Variants in PDZD7 observed in about 807,000 individuals in gnomAD.
PDZD7 encodes PDZ domain-containing protein 7.
Under a neutral mutation model 84.7 loss-of-function variants are expected in PDZD7, and 72 were observed. The observed-to-expected ratio is 0.85, with a 90% CI of 0.70 to 1.03. PDZD7 has a LOEUF of 1.03. PDZD7 is among the 50% of genes least tolerant of loss of function. The pLI is 0.00. For missense variants in PDZD7, 1,490 were observed against 1,412.9 expected (o/e 1.05, Z -0.87); for synonymous variants, 594 against 580.7 (o/e 1.02, Z -0.33).
chr10:101,015,486 GTGT>G, intron 11 of PDZD7, 147 bp downstream of exon 11: 1 of 806,664 alleles, frequency 1.2e-6, no homozygotes, highest in Non-Finnish European at 1.9e-6. Flanking sequence ...GTGTGTGTGT[GTGT>G]GTGACAGGAG....
chr10:101,030,070 C>T lies in PDZD7; in HGVS notation c.150G>A (p.Leu50=), dbSNP rs1247745897. ...TRYLLRKQQR[L]LNGPPRGIRA... ...GGATTCCGCGGGGGGGCCCGTTCAG[C>T]AGCCGTTGTTGCTTCCTTAGCAGGT... Residue 50 remains leucine (L), a synonymous_variant, in exon 2 of 17, where the codon CTG becomes CTA. Transcript: ENST00000619208. 8 of 1,614,176 alleles carry T rather than the reference C, an allele frequency of 5.0e-6. No individual in the cohort carries two copies. Among genetic ancestry groups the T allele is most frequent in the Non-Finnish European group, 6.8e-6 (8 of 1,180,036 alleles).
chr10:101,015,917 C>A, intron 10 of PDZD7, 106 bp from the exon 11 acceptor site: 1 of 1,276,928 alleles, frequency 7.8e-7, no homozygotes, highest in Non-Finnish European at 1.1e-6. Flanking sequence ...AGAATCCTAG[C>A]CTAGCCTATA....
At chr10:101,016,165 T>C (rs978115911) in intron 10 of PDZD7, among the ~76,000 whole-genome samples, 8 of 152,316 alleles carry the variant, frequency 5.3e-5, no homozygotes, top group African/African-American at 1.9e-4. Flanking sequence ...GCTCCTAAAA[T>C]GCATCCCAAT....
chr10:101,008,581 ATTGGT>A lies in PDZD7; in HGVS notation c.2983_2987del (p.Thr995SerfsTer7). The A allele has an allele frequency of 6.5e-7, 1 of 1,535,024 alleles. No homozygotes were observed. Among genetic ancestry groups the A allele is most frequent in the Non-Finnish European group, 8.7e-7 (1 of 1,146,584 alleles). ...TGGCATCAGTGGGAGGAGTCTGGGGATTGGTGGGAGGTTCTGGGAGCCAGTGGGCA... is the reference window on the plus strand; with the variant it reads ...TGGCATCAGTGGGAGGAGTCTGGGGAGGGAGGTTCTGGGAGCCAGTGGGCA... On this transcript the variant is annotated frameshift_variant, in exon 17 of 17. Coordinates refer to ENST00000619208, the MANE Select transcript of PDZD7 (RefSeq NM_001195263.2). LOFTEE classifies it low-confidence loss of function (END_TRUNC).
Position 101,030,087 on chromosome 10 carries a change from T to G in PDZD7, c.133A>C (p.Arg45=). 1 of 1,614,248 alleles carries G rather than the reference T, an allele frequency of 6.2e-7. No homozygotes were observed. Among genetic ancestry groups the G allele is most frequent in the Non-Finnish European group, 8.5e-7 (1 of 1,180,030 alleles). ...SGSTATRYLL[R]KQQRLLNGPP... is the part of the protein sequence containing the mutation. ...CCGTTCAGCAGCCGTTGTTGCTTCC[T>G]TAGCAGGTATCGCGTTGCGGTGGAG... The change falls in exon 2 of 17, where the codon AGG becomes CGG. Residue 45 remains arginine (R), a synonymous_variant. Coordinates refer to ENST00000619208, the MANE Select transcript of PDZD7 (RefSeq NM_001195263.2).
chr10:101,010,687 G>C lies in PDZD7; in HGVS notation c.2202C>G (p.Pro734=), dbSNP rs1459055249. The change falls in exon 15 of 17, where the codon CCC becomes CCG. Residue 734 remains proline (P), a synonymous_variant. Coordinates refer to ENST00000619208, the MANE Select transcript of PDZD7 (RefSeq NM_001195263.2). ...GAGCCACGGGGGGTAGCTGGGGAGG[G>C]GGTGTGCAGGCAATTCGGAGGGGGG... ...AFTPLRIACT[P]PPQLPPVAPR... 17 of 1,514,352 alleles carry C rather than the reference G, an allele frequency of 1.1e-5. No homozygotes were observed. The East Asian group carries it at 4.0e-4, about 36-fold the overall frequency. 93.8% of individuals were successfully genotyped at this position (1,514,352 alleles called of 1,614,324 possible). A position where few individuals can be genotyped will look rare whatever the true frequency, so the allele number is the denominator to read the frequency against.
chr10:101,010,560 G>C lies in PDZD7; in HGVS notation c.2329C>G (p.Arg777Gly), dbSNP rs531733507. The change falls in exon 15 of 17, where the codon CGT (arginine) becomes GGT (glycine). Residue 777 changes from arginine to glycine, a missense_variant. Arg to Gly is a moderately radical substitution (Grantham distance 125). Coordinates refer to ENST00000619208, the MANE Select transcript of PDZD7 (RefSeq NM_001195263.2). The stretch of plus-strand genomic sequence containing the variant: ...CTGCTGCGGCTGCGGCTGCGGCTAC[G>C]GCTGCGGCTACGGCTCTGAGCCCGG... ...RGRAQSRSRS[R>G]SRSRSRSSRG... 3 of 1,491,932 alleles carry C rather than the reference G, an allele frequency of 2.0e-6. No individual in the cohort carries two copies. Among genetic ancestry groups the C allele is most frequent in the East Asian group, 4.9e-5 (2 of 40,612 alleles). 92.4% of individuals were successfully genotyped at this position (1,491,932 alleles called of 1,614,324 possible). A position where few individuals can be genotyped will look rare whatever the true frequency, so the allele number is the denominator to read the frequency against.
intron 7 of PDZD7, 128 bp from the exon 8 acceptor site, chr10:101,019,345 G>GGTTCCTCACCAC: frequency 8.4e-7 from 1 of 1,190,962 alleles, no homozygotes; most frequent in Non-Finnish European, 1.2e-6. Context: ...AACCGCAGTG[G>GGTTCCTCACCAC]TGAGGAACCC....
intron 3 of PDZD7, 53 bp from the exon 4 acceptor site, chr10:101,023,663 C>G: frequency 1.3e-6 from 2 of 1,594,876 alleles, no homozygotes; most frequent in South Asian, 1.1e-5. Context: ...GGGGCTGAGC[C>G]TCCCCCATCA....
Position 101,011,776 on chromosome 10 carries a change from G to T in PDZD7, c.1934-15C>A. The T allele has an allele frequency of 6.5e-7, 1 of 1,550,288 alleles. No individual in the cohort carries two copies. Among genetic ancestry groups the T allele is most frequent in the South Asian group, 1.2e-5 (1 of 84,044 alleles). On this transcript the variant is annotated splice_polypyrimidine_tract_variant and intron_variant, in intron 13 of 16. Coordinates refer to ENST00000619208, the MANE Select transcript of PDZD7 (RefSeq NM_001195263.2). ...AGGAGGCCGGACTGGTTGGAGAGAT[G>T]AACAGGTCAGCGGCAAGGTACCCCG...
rs2134084887 is a variant in PDZD7, at chr10:101,021,885, T to C, written c.780A>G (p.Ala260=). 1 of 1,614,170 alleles carries C rather than the reference T, an allele frequency of 6.2e-7. No individual in the cohort carries two copies. Among genetic ancestry groups the C allele is most frequent in the Non-Finnish European group, 8.5e-7 (1 of 1,180,038 alleles). Residue 260 remains alanine (A), a synonymous_variant, in exon 6 of 17, where the codon GCA becomes GCG. Transcript: ENST00000619208. The part of the protein sequence containing the change: ...NGIKVGDQVL[A]ANGVRFDDIS... ...TGTCGTCAAACCTGACACCGTTGGC[T>C]GCCAGGACCTGGTCCCCCACCTTGA...
intron 11 of PDZD7, among the ~76,000 whole-genome samples, chr10:101,013,271 G>C (rs564826999): frequency 6.6e-6 from 1 of 152,316 alleles, no homozygotes; most frequent in Non-Finnish European, 1.5e-5. Flanking sequence ...TAAGTCCATG[G>C]ACTTGGATTC....
rs1434145387 is a variant in PDZD7, at chr10:101,010,349, G to A, written c.2540C>T (p.Thr847Met). 12 of 1,535,444 alleles carry A rather than the reference G, an allele frequency of 7.8e-6. No individual in the cohort carries two copies. The highest frequency in any genetic ancestry group is 1.0e-5 in the Non-Finnish European group (12 of 1,146,282). ...GTTCTTCATGGCTGCCTCCTTGGCC[G>A]TCCCCTCAGTTCCACTCTCCGAGGG... ...QGPSESGTEG[T>M]AKEAAMKNPS... is the part of the protein sequence containing the mutation. The change falls in exon 15 of 17, where the codon ACG (threonine) becomes ATG (methionine). Residue 847 changes from threonine to methionine, a missense_variant. Thr to Met is a moderately conservative substitution (Grantham distance 81). Coordinates refer to ENST00000619208, the MANE Select transcript of PDZD7 (RefSeq NM_001195263.2).
At chr10:101,029,187 T>C (rs1184399537) in intron 2 of PDZD7, among the ~76,000 whole-genome samples, 1 of 152,180 alleles carries the variant, frequency 6.6e-6, no homozygotes, top group Non-Finnish European at 1.5e-5. Context: ...CATCTGTCAC[T>C]ACAGCCAGGC....
At chr10:101,022,068 C>G (rs569822705) in intron 5 of PDZD7, 123 bp from the exon 6 acceptor site, 2 of 1,547,602 alleles carry the variant, frequency 1.3e-6, no homozygotes, top group Non-Finnish European at 1.8e-6. Context: ...CTACTGGGGC[C>G]TCCCGCCCCC....
chr10:101,022,479 G>T, intron 4 of PDZD7, 94 bp from the exon 5 acceptor site: 3 of 1,516,536 alleles, frequency 2.0e-6, no homozygotes, highest in South Asian at 1.2e-5. Flanking sequence ...GAAAGTGGGG[G>T]TTGCCTTTGG....
rs1004644476 is a variant in PDZD7 at position 101,019,109 on chromosome 10, C to A, written c.1037G>T (p.Arg346Leu). The A allele has an allele frequency of 3.2e-6, 5 of 1,555,262 alleles. No individual in the cohort carries two copies. Among genetic ancestry groups the A allele is most frequent in the African/African-American group, 1.3e-5 (1 of 74,200 alleles). Residue 346 changes from arginine (R) to leucine (L), a missense_variant, in exon 8 of 17, where the codon CGC (arginine) becomes CTC (leucine). Coordinates refer to ENST00000619208, the MANE Select transcript of PDZD7 (RefSeq NM_001195263.2). ...PYSSGSLPSD[R>L]MDICLGQEEP... ...CTCCTGCCCGAGGCAGATGTCCATG[C>A]GGTCCGACGGCAGGGAGCCCGAGCT...
rs1047223437 is a variant in PDZD7 at position 101,023,506 on chromosome 10, G to A, written c.472C>T (p.Arg158Cys). 8.1e-6 allele frequency: 13 copies of A among 1,613,982 alleles called. 1 individual carries two copies. The highest frequency in any genetic ancestry group is 1.6e-4 in the Middle Eastern group (1 of 6,084). The change falls in exon 4 of 17, where the codon CGC becomes TGC. Residue 158 changes from arginine to cysteine, a missense_variant. Arg to Cys is a radical substitution (Grantham distance 180). Coordinates refer to ENST00000619208, the MANE Select transcript of PDZD7 (RefSeq NM_001195263.2). ...SAVKVLTSSS[R>C]LHMMVRRMGR... ...ATGCGCCGAACCATCATGTGCAGGC[G>A]GCTGCTGCTGGTCAGCACCTTTACG... is the stretch of plus-strand genomic sequence containing the variant.
rs1852291960 is a variant in PDZD7 at position 101,008,621 on chromosome 10, G to A, written c.2948C>T (p.Ala983Val). ...TGGGAGCCAGTGGGCAGGAACTGGA[G>A]CAGCATCAAGGGGTTGGTGGGCAGG... The part of the protein sequence containing the change: ...HLPAHQPLDA[A>V]PVPAHWLPEP... Residue 983 changes from alanine to valine, a missense_variant, in exon 17 of 17, where the codon GCT (alanine) becomes GTT (valine). Coordinates refer to ENST00000619208, the MANE Select transcript of PDZD7 (RefSeq NM_001195263.2). 6.5e-7 allele frequency: 1 copy of A among 1,536,168 alleles called. No homozygotes were observed. The highest frequency in any genetic ancestry group is 1.4e-5 in the African/African-American group (1 of 73,100).
Sources: gnomAD v4.1 joint callset for allele counts (sites outside exome capture counted in the v4.1 genomes callset) on GRCh38, gnomAD v4.1.1 for gene constraint, MANE v1.5 for transcripts, NCBI Gene and HGNC (gene_info 2026-07-23, HGNC 2026-07-21) for gene names.